SNX29: variants seen among roughly 807,000 people sequenced by gnomAD.
SNX29 encodes the protein sorting nexin 29.
A neutral mutation model predicts 102.1 loss-of-function variants in SNX29; 78 were observed. The ratio of observed to expected loss-of-function variants is 0.76; its 90% CI spans 0.64 to 0.92. The LOEUF (loss-of-function observed/expected upper bound fraction) is 0.92. Among genes scored for constraint, SNX29 ranks in the 40% least tolerant of loss-of-function variants. The pLI is 0.00. For synonymous variants in SNX29, 580 were observed against 414.5 expected, an observed-to-expected ratio of 1.40 and a Z score of -4.85; for missense variants, 1,280 against 1,061.7, an observed-to-expected ratio of 1.21 and a Z score of -2.86.
At position 12,554,990 on chromosome 16, in the gene SNX29, C is replaced by G. The variant is rs79893562; in HGVS notation, c.2319-13516C>G. Among the ~76,000 whole-genome samples, 1,317 of 152,102 alleles carry G rather than the reference C, an allele frequency of 8.7e-3. 41 individuals carry two copies. The highest frequency in any genetic ancestry group is 0.071 in the East Asian group (363 of 5,134). Reference sequence around the variant, plus strand: ...TGAGGGGGGTCAGTCAGCCGGAGCACCTTTCTTTCTTGCAGAGGCAGGCAG... The same window carrying G: ...TGAGGGGGGTCAGTCAGCCGGAGCAGCTTTCTTTCTTGCAGAGGCAGGCAG... On this transcript the variant is annotated intron_variant, in intron 20 of 20. Coordinates refer to ENST00000566228, the MANE Select transcript of SNX29 (RefSeq NM_032167.5).
chr16:11,987,759 G>A lies in SNX29; in HGVS notation c.7+10946G>A, dbSNP rs548141110. The stretch of plus-strand genomic sequence containing the variant: ...TTAAAGCAAGTAATGAATGTATAGT[G>A]CGTTTCTCAGGACCTGGAACATAGA... On this transcript the variant is annotated intron_variant, in intron 1 of 20. Coordinates refer to ENST00000566228, the MANE Select transcript of SNX29 (RefSeq NM_032167.5). Among the ~76,000 whole-genome samples, 5 of 152,280 alleles carry A rather than the reference G, an allele frequency of 3.3e-5. No homozygotes were observed. The South Asian group carries it at 1.0e-3, about 32-fold the overall frequency.
At position 12,034,585 on chromosome 16, in the gene SNX29, A is replaced by G. The variant is rs536515488; in HGVS notation, c.247+7141A>G. On this transcript the variant is annotated intron_variant, in intron 4 of 20. Transcript: ENST00000566228. Reference sequence around the variant, plus strand: ...GGTCCCTCAGGGGTGGGTTCTTGACACCCAGGGTGGCATGGACTTGGGCCA... The same window carrying G: ...GGTCCCTCAGGGGTGGGTTCTTGACGCCCAGGGTGGCATGGACTTGGGCCA... 1.4e-4 allele frequency among the ~76,000 whole-genome samples: 21 copies of G among 152,272 alleles called. No individual in the cohort carries two copies. The East Asian group carries it at 3.3e-3, about 24-fold the overall frequency.
At chr16:12,433,356 C>T (rs1045196753) in intron 18 of SNX29, among the ~76,000 whole-genome samples, 8 of 152,098 alleles carry the variant, frequency 5.3e-5, no homozygotes, top group African/African-American at 1.4e-4. Context: ...ATTGGCCGGG[C>T]GCAGTGGCTC....
At chr16:12,542,859 C>T (rs898638396) in intron 20 of SNX29, among the ~76,000 whole-genome samples, 1 of 151,782 alleles carries the variant, frequency 6.6e-6, no homozygotes, top group Non-Finnish European at 1.5e-5. Flanking sequence ...CTCAGAAATG[C>T]TAAATGTCTG....
chr16:12,178,991 G>C (rs2076322125), intron 13 of SNX29, among the ~76,000 whole-genome samples: 1 of 152,100 alleles, frequency 6.6e-6, no homozygotes, highest in Non-Finnish European at 1.5e-5. Flanking sequence ...TTTGTATATG[G>C]GTTAAATATA....
At chr16:12,410,087 C>T (rs1265705390) in intron 18 of SNX29, among the ~76,000 whole-genome samples, 1 of 152,038 alleles carries the variant, frequency 6.6e-6, no homozygotes, top group Non-Finnish European at 1.5e-5. Context: ...CTCCACCTCC[C>T]GGGTTCAAGT....
rs572490111 is a variant in SNX29, at chr16:12,554,790, G to C, written c.2319-13716G>C. On this transcript the variant is annotated intron_variant, in intron 20 of 20. Coordinates refer to ENST00000566228, the MANE Select transcript of SNX29 (RefSeq NM_032167.5). ...CTCTCCCCCGCCATAGAATGCAATTGTTTATTCTAGAAATTTGTATTGAGC... is the reference window on the plus strand; with the variant it reads ...CTCTCCCCCGCCATAGAATGCAATTCTTTATTCTAGAAATTTGTATTGAGC... Among the ~76,000 whole-genome samples the C allele has an allele frequency of 2.6e-5, 4 of 152,296 alleles. No homozygotes were observed. In the East Asian group the frequency reaches 7.7e-4, roughly 29 times the overall value.
At chr16:12,209,432 T>C (rs1345835711) in intron 14 of SNX29, among the ~76,000 whole-genome samples, 2 of 152,140 alleles carry the variant, frequency 1.3e-5, no homozygotes, top group African/African-American at 4.8e-5. Flanking sequence ...TCAAGTAATC[T>C]GCCCACCTTG....
intron 13 of SNX29, chr16:12,135,596 C>T: frequency 7.4e-7 from 1 of 1,342,746 alleles, no homozygotes; most frequent in African/African-American, 1.5e-5. Context: ...ACGTGAGAAC[C>T]ATGTGGTGGA....
At chr16:12,352,939 A>C (rs1046287576) in intron 15 of SNX29, among the ~76,000 whole-genome samples, 1 of 152,194 alleles carries the variant, frequency 6.6e-6, no homozygotes, top group Admixed American at 6.5e-5. Flanking sequence ...CAAACTGATG[A>C]TGTCAGGACA....
chr16:12,060,636 A>G lies in SNX29; in HGVS notation c.1125-892A>G, dbSNP rs13337879. Among the ~76,000 whole-genome samples, 254 of 152,282 alleles carry G rather than the reference A, an allele frequency of 1.7e-3. 1 individual carries two copies. The highest frequency in any genetic ancestry group is 5.9e-3 in the African/African-American group (246 of 41,548). On this transcript the variant is annotated intron_variant, in intron 8 of 20. Transcript: ENST00000566228. ...AACAAGGGACTTTGAGCATCCTCAGATTTGCAGGGGTTTTTTGAAACGGTT... is the reference window on the plus strand; with the variant it reads ...AACAAGGGACTTTGAGCATCCTCAGGTTTGCAGGGGTTTTTTGAAACGGTT...
chr16:12,546,168 T>G, intron 20 of SNX29: 1 of 152,182 alleles, frequency 6.6e-6, no homozygotes, highest in East Asian at 1.9e-4. Context: ...AACATAGGGA[T>G]GGGCACTGGT....
chr16:12,140,831 C>T (rs888900532), intron 13 of SNX29, among the ~76,000 whole-genome samples: 1 of 152,166 alleles, frequency 6.6e-6, no homozygotes. Flanking sequence ...CATATTTGGA[C>T]TTGATCTTAG....
intron 11 of SNX29, among the ~76,000 whole-genome samples, chr16:12,083,363 C>G (rs577491161): frequency 6.6e-6 from 1 of 151,690 alleles, no homozygotes; most frequent in African/African-American, 2.4e-5. Flanking sequence ...GCTGAAAGAC[C>G]AAGATCAAGG....
Position 12,563,347 on chromosome 16 carries a change from C to T in SNX29, c.2319-5159C>T, listed in dbSNP as rs552575864. ...GTCACCGTCGAGGAGTGGCCATTAT[C>T]CTGAGCCTGTCTTTTATCGCCACGT... On this transcript the variant is annotated intron_variant, in intron 20 of 20. Coordinates refer to ENST00000566228, the MANE Select transcript of SNX29 (RefSeq NM_032167.5). 5.3e-5 allele frequency among the ~76,000 whole-genome samples: 8 copies of T among 152,304 alleles called. No individual in the cohort carries two copies. In the East Asian group the frequency reaches 5.8e-4, roughly 11 times the overall value.
At chr16:12,394,739 T>C (rs906037313) in intron 16 of SNX29, among the ~76,000 whole-genome samples, 9 of 152,230 alleles carry the variant, frequency 5.9e-5, no homozygotes, top group African/African-American at 1.9e-4. Context: ...GCACTGAGGC[T>C]GAGTGAGAGG....
chr16:12,168,686 G>T (rs547098190), intron 13 of SNX29, among the ~76,000 whole-genome samples: 1 of 152,184 alleles, frequency 6.6e-6, no homozygotes, highest in Non-Finnish European at 1.5e-5. Flanking sequence ...ACACAGAGGC[G>T]CTTCAGCCAC....
At chr16:12,059,264 C>T (rs758545964) in intron 8 of SNX29, among the ~76,000 whole-genome samples, 1 of 152,218 alleles carries the variant, frequency 6.6e-6, no homozygotes, top group Non-Finnish European at 1.5e-5. Flanking sequence ...GGACTGTCTG[C>T]TTTTGCTGCC....
chr16:12,505,755 C>G (rs1307215172), intron 19 of SNX29, among the ~76,000 whole-genome samples: 1 of 55,660 alleles, frequency 1.8e-5, no homozygotes, highest in Non-Finnish European at 3.1e-5. Context: ...ATCACCTTGT[C>G]AATTCTGCAA....
Sources: allele counts gnomAD v4.1 joint callset (sites outside exome capture counted in the v4.1 genomes callset), GRCh38; gene constraint gnomAD v4.1.1; transcripts MANE v1.5; gene names NCBI Gene and HGNC (gene_info 2026-07-23, HGNC 2026-07-21).